The following NEK11 variants were observed in gnomAD, a reference collection of about 807,000 sequenced individuals.
NEK11 encodes NIMA related kinase 11.
In NEK11, 72 loss-of-function variants were observed where a neutral mutation model predicts 80.7. That is an observed-to-expected ratio of 0.89 (90% confidence interval 0.74 to 1.08). The LOEUF (loss-of-function observed/expected upper bound fraction) is 1.08, where lower values mean the gene tolerates loss of function less well. NEK11 is among the 50% of genes least tolerant of loss of function. NEK11 has a pLI of 0.00. For synonymous variants in NEK11, 251 were observed against 260.7 expected (o/e 0.96, Z 0.36); for missense variants, 764 against 763.6 (o/e 1.00, Z -0.01).
At chr3:131,087,811 T>A (rs2076207331) in intron 4 of NEK11, among the ~76,000 whole-genome samples, 1 of 152,202 alleles carries the variant, frequency 6.6e-6, no homozygotes, top group African/African-American at 2.4e-5. Context: ...ATATTGGGTG[T>A]GTTGTGTCTA....
At chr3:131,146,310 T>A (rs1179588945) in intron 7 of NEK11, among the ~76,000 whole-genome samples, 2 of 152,276 alleles carry the variant, frequency 1.3e-5, no homozygotes, top group East Asian at 3.9e-4. Flanking sequence ...CAGAATGTGA[T>A]CAATGTAACT....
At chr3:131,072,949 A>T (rs1008144194) in intron 3 of NEK11, among the ~76,000 whole-genome samples, 1 of 151,834 alleles carries the variant, frequency 6.6e-6, no homozygotes, top group African/African-American at 2.4e-5. Flanking sequence ...GCTCTGATGC[A>T]TTTTTTTTGG....
At chr3:131,282,559 G>T (rs530360044) in intron 17 of NEK11, among the ~76,000 whole-genome samples, 1 of 152,154 alleles carries the variant, frequency 6.6e-6, no homozygotes, top group Admixed American at 6.5e-5. Flanking sequence ...TAGTGCTGCC[G>T]TGAGGGCTGA....
intron 14 of NEK11, among the ~76,000 whole-genome samples, chr3:131,224,376 C>T (rs998779288): frequency 4.6e-5 from 7 of 151,974 alleles, no homozygotes; most frequent in African/African-American, 7.3e-5. Context: ...CACAGGTGTG[C>T]GCCACCACAC....
At chr3:131,165,676 G>A (rs1302233686) in intron 12 of NEK11, among the ~76,000 whole-genome samples, 157 bp downstream of exon 12, 21 of 152,152 alleles carry the variant, frequency 1.4e-4, no homozygotes, top group Admixed American at 1.4e-3. Flanking sequence ...GTCAACAGCT[G>A]GTGACAACGA....
At chr3:131,141,160 T>C (rs1198495589) in intron 7 of NEK11, among the ~76,000 whole-genome samples, 1 of 152,064 alleles carries the variant, frequency 6.6e-6, no homozygotes, top group Non-Finnish European at 1.5e-5. Flanking sequence ...TAGGGTGGTA[T>C]TTGCAGAAGG....
chr3:131,109,619 G>A, intron 4 of NEK11, 184 bp from the exon 5 acceptor site: 3 of 566,636 alleles, frequency 5.3e-6, no homozygotes, highest in East Asian at 3.2e-5. Flanking sequence ...TGTTGAGGCC[G>A]AGCTGAGAAG....
chr3:131,109,957 T>G, intron 5 of NEK11, 36 bp downstream of exon 5: 1 of 1,555,170 alleles, frequency 6.4e-7, no homozygotes. Flanking sequence ...CATGATATAT[T>G]TTTAACAGTC....
chr3:131,294,466 T>C (rs1320430380), intron 17 of NEK11, among the ~76,000 whole-genome samples: 1 of 152,056 alleles, frequency 6.6e-6, no homozygotes. Flanking sequence ...TCTATGGCTT[T>C]TATGGCCCTA....
At chr3:131,137,026 C>A (rs2085733104) in intron 7 of NEK11, among the ~76,000 whole-genome samples, 1 of 152,152 alleles carries the variant, frequency 6.6e-6, no homozygotes. Flanking sequence ...GCTCTTTGAT[C>A]TTGTAGCCCC....
At chr3:131,275,220 A>T (rs1247232485) in intron 17 of NEK11, among the ~76,000 whole-genome samples, 2 of 152,080 alleles carry the variant, frequency 1.3e-5, no homozygotes, top group East Asian at 3.9e-4. Context: ...TGCTTGGAGG[A>T]GATAATATAG....
chr3:131,212,904 A>G (rs551130570), intron 14 of NEK11, among the ~76,000 whole-genome samples: 96 of 152,302 alleles, frequency 6.3e-4, no homozygotes, highest in African/African-American at 2.2e-3. Context: ...TAATATTTTT[A>G]TATCAGTAGA....
rs149913076 is a variant in NEK11, at chr3:131,139,944, A to G, written c.647+5988A>G. Among the ~76,000 whole-genome samples, 356 of 152,286 alleles carry G rather than the reference A, an allele frequency of 2.3e-3. 1 individual carries two copies. The highest frequency in any genetic ancestry group is 8.0e-3 in the African/African-American group (333 of 41,560). On this transcript the variant is annotated intron_variant, in intron 7 of 17. Transcript: ENST00000383366. Reference sequence around the variant, plus strand: ...AGCCTGGGCAGGGCCTGGGTTTCTGATGAAGGAGACCCCTTTGGATAGGAG... The same window carrying G: ...AGCCTGGGCAGGGCCTGGGTTTCTGGTGAAGGAGACCCCTTTGGATAGGAG...
At chr3:131,148,385 C>T (rs1019019637) in intron 7 of NEK11, among the ~76,000 whole-genome samples, 14 of 151,814 alleles carry the variant, frequency 9.2e-5, no homozygotes, top group African/African-American at 1.7e-4. Flanking sequence ...CCTGGTCTTA[C>T]GAAATGAAGA....
At chr3:131,031,494 G>C (rs1024044537) in intron 3 of NEK11, among the ~76,000 whole-genome samples, 9 of 152,090 alleles carry the variant, frequency 5.9e-5, no homozygotes, top group Admixed American at 4.6e-4. Flanking sequence ...AACTAATGAG[G>C]AATATGAAAA....
chr3:131,298,688 AGGTGGTGGTGGT>A (rs1019957752), intron 17 of NEK11, among the ~76,000 whole-genome samples: 2 of 149,832 alleles, frequency 1.3e-5, no homozygotes, highest in African/African-American at 2.4e-5. Flanking sequence ...TAATATGCCT[AGGTGGTGGTGGT>A]GGTGGTGGTG....
rs1327558078 is a variant in NEK11 at position 131,147,379 on chromosome 3, T to C, written c.648-5009T>C. Among the ~76,000 whole-genome samples, 5 of 152,100 alleles carry C rather than the reference T, an allele frequency of 3.3e-5. No homozygotes were observed. In the East Asian group the frequency reaches 9.6e-4, roughly 29 times the overall value. On this transcript the variant is annotated intron_variant, in intron 7 of 17. Transcript: ENST00000383366. ...TTTGCATTAATCAAGTGATTAAATATGTGTGAATCTGTTTTTGAGCCCTCT... is the reference window on the plus strand; with the variant it reads ...TTTGCATTAATCAAGTGATTAAATACGTGTGAATCTGTTTTTGAGCCCTCT...
At chr3:131,100,475 C>A (rs544602318) in intron 4 of NEK11, among the ~76,000 whole-genome samples, 1 of 152,174 alleles carries the variant, frequency 6.6e-6, no homozygotes, top group East Asian at 1.9e-4. Context: ...GAGGCTGAGG[C>A]AGGATAATCG....
intron 13 of NEK11, 126 bp from the exon 14 acceptor site, chr3:131,170,647 G>A (rs568272525): frequency 1.7e-4 from 115 of 665,062 alleles, no homozygotes; most frequent in African/African-American, 1.6e-3. Flanking sequence ...GTTTGAAAAC[G>A]TTTAAGGGAG....
Sources: gnomAD v4.1 joint callset for allele counts (sites outside exome capture counted in the v4.1 genomes callset) on GRCh38, gnomAD v4.1.1 for gene constraint, MANE v1.5 for transcripts, NCBI Gene and HGNC (gene_info 2026-07-23, HGNC 2026-07-21) for gene names.